Variants in CPNE4 observed in about 807,000 individuals in gnomAD.
CPNE4 encodes copine 4, also known as copine-4.
A neutral mutation model predicts 67.9 loss-of-function variants in CPNE4; 25 were observed. The observed-to-expected ratio is 0.37, with a 90% CI of 0.27 to 0.51. The LOEUF (loss-of-function observed/expected upper bound fraction) is 0.51. Among genes scored for constraint, CPNE4 ranks in the 20% least tolerant of loss-of-function variants. The pLI, the probability that CPNE4 is intolerant of heterozygous loss-of-function variation, is 0.93. For missense variants in CPNE4, 464 were observed against 690.8 expected (o/e 0.67, Z 3.68); for synonymous variants, 242 against 244.9 (o/e 0.99, Z 0.11).
rs535935490 is a variant in CPNE4 at position 131,847,045 on chromosome 3, A to G, written c.180+58219T>C. Among the ~76,000 whole-genome samples, 27 of 152,286 alleles carry G rather than the reference A, an allele frequency of 1.8e-4. 1 individual carries two copies. Among genetic ancestry groups the G allele is most frequent in the Admixed American group, 1.8e-3 (27 of 15,288 alleles). On this transcript the variant is annotated intron_variant, in intron 2 of 15. Coordinates refer to ENST00000429747, the MANE Select transcript of CPNE4 (RefSeq NM_130808.3). ...GAGCATGAAGGATGATGATTATAGCATCTGCCCCATCTCCCCTCAGATTCT... is the reference window on the plus strand; with the variant it reads ...GAGCATGAAGGATGATGATTATAGCGTCTGCCCCATCTCCCCTCAGATTCT...
intron 1 of CPNE4, among the ~76,000 whole-genome samples, chr3:132,021,730 A>C (rs1397031653): frequency 1.3e-5 from 2 of 152,214 alleles, no homozygotes; most frequent in Non-Finnish European, 2.9e-5. Context: ...GTTTGCCTTA[A>C]TCAGATCTTA....
intron 4 of CPNE4, 64 bp downstream of exon 4, chr3:131,699,845 G>T (rs546999924): frequency 3.7e-6 from 5 of 1,365,154 alleles, no homozygotes; most frequent in Middle Eastern, 1.8e-4. Context: ...TGTCTGGTTT[G>T]GGCTGGCCAG....
intron 7 of CPNE4, among the ~76,000 whole-genome samples, chr3:131,603,398 G>C (rs1357092660): frequency 2.6e-5 from 4 of 152,170 alleles, no homozygotes; most frequent in Non-Finnish European, 5.9e-5. Flanking sequence ...GACTCAATAA[G>C]TGTTGCTTGG....
At chr3:131,755,865 A>G (rs2082738492) in intron 2 of CPNE4, among the ~76,000 whole-genome samples, 1 of 152,200 alleles carries the variant, frequency 6.6e-6, no homozygotes, top group Non-Finnish European at 1.5e-5. Context: ...CATTTTCCAG[A>G]TGCACTCTGC....
At chr3:131,764,530 T>C (rs1271185179) in intron 2 of CPNE4, among the ~76,000 whole-genome samples, 2 of 152,124 alleles carry the variant, frequency 1.3e-5, no homozygotes, top group Non-Finnish European at 2.9e-5. Context: ...TAACATAAAA[T>C]CTATTGCTAG....
At chr3:131,909,271 G>A (rs1440941225) in intron 1 of CPNE4, among the ~76,000 whole-genome samples, 9 of 152,140 alleles carry the variant, frequency 5.9e-5, no homozygotes, top group Admixed American at 5.9e-4. Flanking sequence ...TCCTGGGATA[G>A]ACAATTTATT....
At chr3:131,745,394 C>T (rs2082463591) in intron 2 of CPNE4, among the ~76,000 whole-genome samples, 1 of 151,950 alleles carries the variant, frequency 6.6e-6, no homozygotes, top group Non-Finnish European at 1.5e-5. Flanking sequence ...GTAAAAGGGT[C>T]TTTTGCAGAC....
chr3:131,556,127 A>ACTT (rs1218055504), intron 11 of CPNE4, among the ~76,000 whole-genome samples: 1 of 152,094 alleles, frequency 6.6e-6, no homozygotes, highest in African/African-American at 2.4e-5. Flanking sequence ...TAATCCCAGA[A>ACTT]CTTTGGGAGG....
rs1480098787 is a variant in CPNE4 at position 132,034,738 on chromosome 3, G to T, written c.-173C>A. On this transcript the variant is annotated 5_prime_UTR_variant, in exon 1 of 16. The change creates a premature stop within an existing upstream ORF in the 5' untranslated region. Coordinates refer to ENST00000429747, the MANE Select transcript of CPNE4 (RefSeq NM_130808.3). ...CCTCTCGTCCTCCGAGGTCAGTTTAGCAACAGCGGCTGGGAAAGGTGCTGA... is the reference window on the plus strand; with the variant it reads ...CCTCTCGTCCTCCGAGGTCAGTTTATCAACAGCGGCTGGGAAAGGTGCTGA... 14 of 985,230 alleles carry T rather than the reference G, an allele frequency of 1.4e-5. No individual in the cohort carries two copies. The highest frequency in any genetic ancestry group is 1.7e-5 in the Non-Finnish European group (14 of 830,038). The allele number at this position is 985,230 out of a possible 1,614,324, so 61.0% of individuals were successfully genotyped here. A position where few individuals can be genotyped will look rare whatever the true frequency, so the allele number is the denominator to read the frequency against.
chr3:131,819,452 C>T (rs1341187054), intron 2 of CPNE4, among the ~76,000 whole-genome samples: 1 of 150,908 alleles, frequency 6.6e-6, no homozygotes, highest in Non-Finnish European at 1.5e-5. Context: ...ATGCATTTTA[C>T]AGTAAAGGGA....
At chr3:131,913,392 A>G (rs1249086186) in intron 1 of CPNE4, among the ~76,000 whole-genome samples, 1 of 152,188 alleles carries the variant, frequency 6.6e-6, no homozygotes, top group African/African-American at 2.4e-5. Flanking sequence ...GTAAGGAAAG[A>G]ATGCCTCAAA....
chr3:131,680,601 G>C (rs1056970440), intron 6 of CPNE4, among the ~76,000 whole-genome samples: 1 of 151,956 alleles, frequency 6.6e-6, no homozygotes, highest in East Asian at 1.9e-4. Flanking sequence ...AAAAATAAAA[G>C]TATTTCATTA....
chr3:131,725,416 C>A (rs2081978796), intron 2 of CPNE4, among the ~76,000 whole-genome samples: 1 of 152,158 alleles, frequency 6.6e-6, no homozygotes, highest in African/African-American at 2.4e-5. Context: ...TACAGAAAAC[C>A]AATCTCCAGC....
At chr3:132,029,679 C>A (rs983139324) in intron 1 of CPNE4, among the ~76,000 whole-genome samples, 1 of 152,140 alleles carries the variant, frequency 6.6e-6, no homozygotes, top group Non-Finnish European at 1.5e-5. Context: ...AAAGTTAATC[C>A]GAAATACTGT....
intron 1 of CPNE4, among the ~76,000 whole-genome samples, chr3:131,963,741 G>A (rs1015722166): frequency 1.5e-4 from 23 of 152,192 alleles, no homozygotes; most frequent in Non-Finnish European, 1.3e-4. Flanking sequence ...CCAGTCACGG[G>A]CTTATAGATA....
intron 4 of CPNE4, among the ~76,000 whole-genome samples, chr3:131,697,108 T>C (rs1350108561): frequency 6.6e-6 from 1 of 152,240 alleles, no homozygotes; most frequent in Non-Finnish European, 1.5e-5. Flanking sequence ...GAGATGAAGA[T>C]ATGGGTATAC....
intron 1 of CPNE4, among the ~76,000 whole-genome samples, chr3:131,941,222 A>C (rs2071376450): frequency 6.6e-6 from 1 of 152,108 alleles, no homozygotes. Flanking sequence ...TATAAAAGCT[A>C]AAAATTATAT....
chr3:131,969,157 GA>G (rs2072436998), intron 1 of CPNE4, among the ~76,000 whole-genome samples: 1 of 151,946 alleles, frequency 6.6e-6, no homozygotes. Flanking sequence ...GTTGAACAAT[GA>G]GAACACATGG....
intron 7 of CPNE4, among the ~76,000 whole-genome samples, chr3:131,625,899 T>G (rs895343529): frequency 6.6e-6 from 1 of 152,210 alleles, no homozygotes; most frequent in Admixed American, 6.5e-5. Flanking sequence ...CTGCTTCATG[T>G]CTCTGCATCA....
Sources: gnomAD v4.1 joint callset for allele counts (sites outside exome capture counted in the v4.1 genomes callset) on GRCh38, gnomAD v4.1.1 for gene constraint, MANE v1.5 for transcripts, NCBI Gene and HGNC (gene_info 2026-07-23, HGNC 2026-07-21) for gene names.